Variants in RPRD1A observed in about 807,000 individuals in gnomAD.
RPRD1A encodes the protein regulation of nuclear pre-mRNA domain-containing protein 1A.
A neutral mutation model predicts 37.8 loss-of-function variants in RPRD1A; 9 were observed. The ratio of observed to expected loss-of-function variants is 0.24; its 90% CI spans 0.14 to 0.42. RPRD1A has a LOEUF of 0.42. Among genes scored for constraint, RPRD1A ranks in the 10% least tolerant of loss-of-function variants. The pLI is 1.00. For synonymous variants in RPRD1A, 138 were observed against 139.7 expected, an observed-to-expected ratio of 0.99 and a Z score of 0.08; for missense variants, 255 against 371.0, an observed-to-expected ratio of 0.69 and a Z score of 2.57.
At chr18:36,062,540 T>G (rs1181395751) in intron 1 of RPRD1A, among the ~76,000 whole-genome samples, 15 of 151,720 alleles carry the variant, frequency 9.9e-5, no homozygotes, top group African/African-American at 3.6e-4. Flanking sequence ...AACTCGAACG[T>G]CTATCAACTG....
intron 6 of RPRD1A, among the ~76,000 whole-genome samples, chr18:35,997,529 T>C (rs926180123): frequency 5.9e-5 from 9 of 152,356 alleles, no homozygotes; most frequent in South Asian, 2.1e-4. Context: ...AATTTCTTTA[T>C]ATTGATTTAG....
At chr18:36,057,345 T>G (rs1568152381) in intron 1 of RPRD1A, among the ~76,000 whole-genome samples, 1 of 151,056 alleles carries the variant, frequency 6.6e-6, no homozygotes, top group Non-Finnish European at 1.5e-5. Flanking sequence ...CCATGGCTCA[T>G]GCCTGTAATC....
intron 1 of RPRD1A, among the ~76,000 whole-genome samples, chr18:36,038,780 T>A (rs1312979375): frequency 6.6e-6 from 1 of 152,188 alleles, no homozygotes; most frequent in Admixed American, 6.5e-5. Context: ...GTGCCCTGGA[T>A]GTGAGACAGG....
At chr18:36,059,828 C>T (rs546343681) in intron 1 of RPRD1A, among the ~76,000 whole-genome samples, 2 of 152,190 alleles carry the variant, frequency 1.3e-5, no homozygotes, top group African/African-American at 2.4e-5. Flanking sequence ...GAAATGATCA[C>T]GGAAATAAAT....
chr18:35,997,508 C>A (rs978057627), intron 6 of RPRD1A, among the ~76,000 whole-genome samples: 2 of 151,658 alleles, frequency 1.3e-5, no homozygotes, highest in South Asian at 2.1e-4. Flanking sequence ...CAACACCCAA[C>A]ATTCATAAGC....
intron 6 of RPRD1A, among the ~76,000 whole-genome samples, chr18:35,995,630 A>G (rs1047979810): frequency 6.6e-6 from 1 of 152,324 alleles, no homozygotes; most frequent in African/African-American, 2.4e-5. Context: ...TATTTGAAAA[A>G]GGTTCACCTA....
rs1341984486 is a variant in RPRD1A at position 36,014,112 on chromosome 18, TA to T, written c.789+12787del. ...AAAAGAATATATGTATTTGGACAAATATTTTTTGCTAATTTCTTTAAAAAGC... is the reference window on the plus strand; with the variant it reads ...AAAAGAATATATGTATTTGGACAAATTTTTTTGCTAATTTCTTTAAAAAGC... On this transcript the variant is annotated intron_variant, in intron 6 of 6. Transcript: ENST00000399022. Among the ~76,000 whole-genome samples, 13 of 152,286 alleles carry T rather than the reference TA, an allele frequency of 8.5e-5. No homozygotes were observed. In the East Asian group the frequency reaches 2.3e-3, roughly 27 times the overall value.
intron 1 of RPRD1A, among the ~76,000 whole-genome samples, chr18:36,063,563 T>C (rs1195549536): frequency 6.6e-6 from 1 of 152,252 alleles, no homozygotes; most frequent in Non-Finnish European, 1.5e-5. Context: ...ACACAAAATG[T>C]TCAACTAATT....
At chr18:36,012,011 C>T (rs996707660) in intron 6 of RPRD1A, among the ~76,000 whole-genome samples, 3 of 152,186 alleles carry the variant, frequency 2.0e-5, no homozygotes, top group Admixed American at 2.0e-4. Context: ...CCACCCAGGA[C>T]AAAAATCATC....
chr18:36,013,584 G>T (rs1910308362), intron 6 of RPRD1A, among the ~76,000 whole-genome samples: 1 of 152,126 alleles, frequency 6.6e-6, no homozygotes, highest in African/African-American at 2.4e-5. Context: ...AAGACAAAAA[G>T]ATATTCAGTG....
At position 36,008,569 on chromosome 18, in the gene RPRD1A, T is replaced by TTG. The variant is rs138413588; in HGVS notation, c.790-15271_790-15270dup. On this transcript the variant is annotated intron_variant, in intron 6 of 6. Coordinates refer to ENST00000399022, the MANE Select transcript of RPRD1A (RefSeq NM_018170.5). ...CTAGCCTGGGCGACACAGCAAGACC[T>TTG]TGTGTGTGTATATATATATATCTTT... 3.5e-3 allele frequency among the ~76,000 whole-genome samples: 198 copies of TTG among 56,066 alleles called. 21 individuals are homozygous for TTG. The highest frequency in any genetic ancestry group is 0.026 in the African/African-American group (182 of 6,890). The allele number at this position is 56,066 out of a possible 152,430, so 36.8% of individuals were successfully genotyped here. A position where few individuals can be genotyped will look rare whatever the true frequency, so the allele number is the denominator to read the frequency against.
chr18:36,036,245 T>A (rs867663789), intron 1 of RPRD1A, among the ~76,000 whole-genome samples: 37 of 152,198 alleles, frequency 2.4e-4, no homozygotes, highest in Admixed American at 1.9e-3. Context: ...GCTAATTTTT[T>A]AAATTTTTTG....
intron 1 of RPRD1A, among the ~76,000 whole-genome samples, chr18:36,038,594 T>C (rs564958198): frequency 6.6e-6 from 1 of 152,314 alleles, no homozygotes; most frequent in African/African-American, 2.4e-5. Context: ...AGCTCTCACA[T>C]GGGGTCCCCA....
chr18:36,031,238 T>C, intron 2 of RPRD1A, 141 bp from the exon 3 acceptor site: 2 of 1,055,630 alleles, frequency 1.9e-6, no homozygotes, highest in African/African-American at 1.6e-5. Flanking sequence ...TTAGCATCAC[T>C]ATGTGGCCAG....
intron 6 of RPRD1A, among the ~76,000 whole-genome samples, chr18:36,019,386 C>A (rs545762763): frequency 6.6e-6 from 1 of 152,166 alleles, no homozygotes; most frequent in South Asian, 2.1e-4. Flanking sequence ...GGATTACAGG[C>A]ATGAGCCACC....
At chr18:36,055,254 C>T (rs998768551) in intron 1 of RPRD1A, among the ~76,000 whole-genome samples, 1 of 152,236 alleles carries the variant, frequency 6.6e-6, no homozygotes, top group Admixed American at 6.5e-5. Flanking sequence ...TTAAACTATA[C>T]TCTGAAGCAA....
rs761524188 is a variant in RPRD1A, at chr18:36,025,687, G to A, written c.789+1213C>T. The stretch of plus-strand genomic sequence containing the variant: ...ACGCCCATGTCCAATATCTGCAACA[G>A]AAGCTCAATAGAAGTTAAAGAAACC... On this transcript the variant is annotated intron_variant, in intron 6 of 6. Coordinates refer to ENST00000399022, the MANE Select transcript of RPRD1A (RefSeq NM_018170.5). The A allele has an allele frequency of 3.8e-5, 49 of 1,274,478 alleles. No individual in the cohort carries two copies. The East Asian group carries it at 1.2e-3, about 32-fold the overall frequency. The allele number at this position is 1,274,478 out of a possible 1,614,324, so 78.9% of individuals were successfully genotyped here.
chr18:36,043,537 A>G (rs1912747101), intron 1 of RPRD1A, among the ~76,000 whole-genome samples: 1 of 152,244 alleles, frequency 6.6e-6, no homozygotes, highest in Non-Finnish European at 1.5e-5. Context: ...CAAATGAATT[A>G]TAAAAGTCCT....
At chr18:36,026,645 T>C in intron 6 of RPRD1A, 1 of 342,570 alleles carries the variant, frequency 2.9e-6, no homozygotes, top group Non-Finnish European at 5.3e-6. Flanking sequence ...TAAATTATAG[T>C]TGCATGGAAT....
Sources: allele counts gnomAD v4.1 joint callset (sites outside exome capture counted in the v4.1 genomes callset), GRCh38; gene constraint gnomAD v4.1.1; transcripts MANE v1.5; gene names NCBI Gene and HGNC (gene_info 2026-07-23, HGNC 2026-07-21).